NCK2: variants seen among roughly 807,000 people sequenced by gnomAD.
The protein encoded by NCK2 is cytoplasmic protein NCK2.
A neutral mutation model predicts 33.9 loss-of-function variants in NCK2; 16 were observed. The ratio of observed to expected loss-of-function variants is 0.47; its 90% CI spans 0.32 to 0.72. The LOEUF is 0.72. Among genes scored for constraint, NCK2 ranks in the 30% least tolerant of loss-of-function variants. The pLI, the probability that NCK2 is intolerant of heterozygous loss-of-function variation, is 0.03. For synonymous variants in NCK2, 273 were observed against 239.9 expected, an observed-to-expected ratio of 1.14 and a Z score of -1.27; for missense variants, 418 against 537.3, an observed-to-expected ratio of 0.78 and a Z score of 2.19.
chr2:105,781,058 G>C (rs993949132), intron 1 of NCK2, among the ~76,000 whole-genome samples: 3 of 152,146 alleles, frequency 2.0e-5, no homozygotes, highest in African/African-American at 7.2e-5. Context: ...CTGTCTTCTT[G>C]CTTTCAGATT....
At chr2:105,801,461 T>C (rs1674837571) in intron 1 of NCK2, among the ~76,000 whole-genome samples, 1 of 151,612 alleles carries the variant, frequency 6.6e-6, no homozygotes, top group Admixed American at 6.6e-5. Flanking sequence ...ACAAAACCAG[T>C]GCACAACGTT....
intron 3 of NCK2, among the ~76,000 whole-genome samples, chr2:105,874,117 G>A (rs566921752): frequency 1.3e-5 from 2 of 152,164 alleles, no homozygotes; most frequent in African/African-American, 2.4e-5. Context: ...TCATGTGGCC[G>A]CCCTTTCAAA....
intron 4 of NCK2, among the ~76,000 whole-genome samples, chr2:105,885,994 A>G (rs1280290533): frequency 1.3e-5 from 2 of 152,170 alleles, no homozygotes; most frequent in Non-Finnish European, 2.9e-5. Flanking sequence ...AGGAGGAGGT[A>G]GATTGTCAGA....
At chr2:105,819,326 T>TAA (rs35497405) in intron 2 of NCK2, among the ~76,000 whole-genome samples, 428 of 136,046 alleles carry the variant, frequency 3.1e-3, no homozygotes, top group African/African-American at 9.0e-3. Context: ...CCGTTTTCTT[T>TAA]AAAAAAAAAA....
intron 3 of NCK2, among the ~76,000 whole-genome samples, chr2:105,873,041 T>G (rs1314174935): frequency 1.3e-5 from 2 of 152,124 alleles, no homozygotes; most frequent in Non-Finnish European, 2.9e-5. Context: ...CCAGGAAAGG[T>G]CACTGTCCTT....
chr2:105,790,147 G>A (rs1235223656), intron 1 of NCK2, among the ~76,000 whole-genome samples: 1 of 152,202 alleles, frequency 6.6e-6, no homozygotes. Flanking sequence ...ACGGGCAGCC[G>A]TTTCTTCTTC....
At chr2:105,862,246 C>T (rs546403935) in intron 3 of NCK2, among the ~76,000 whole-genome samples, 5 of 152,230 alleles carry the variant, frequency 3.3e-5, no homozygotes, top group Non-Finnish European at 5.9e-5. Flanking sequence ...GGAAGGGGGT[C>T]GGTCTTGAGC....
At position 105,822,163 on chromosome 2, in the gene NCK2, A is replaced by T. The variant is rs561986349; in HGVS notation, c.-17+5550A>T. 1.8e-3 allele frequency among the ~76,000 whole-genome samples: 118 copies of T among 66,878 alleles called. 1 individual carries two copies. The highest frequency in any genetic ancestry group is 7.6e-3 in the African/African-American group (114 of 15,012). The allele number at this position is 66,878 out of a possible 152,430, so 43.9% of individuals were successfully genotyped here. On this transcript the variant is annotated intron_variant, in intron 2 of 4. Coordinates refer to ENST00000233154, the MANE Select transcript of NCK2 (RefSeq NM_003581.5). Reference sequence around the variant, plus strand: ...CCCCTAGAAAAATCTCCTGCAACTAAGTGCAGTTTGGAGAGTTCTTTGGAA... The same window carrying T: ...CCCCTAGAAAAATCTCCTGCAACTATGTGCAGTTTGGAGAGTTCTTTGGAA...
rs67864986 is a variant in NCK2, at chr2:105,832,704, ATT to A, written c.-17+16104_-17+16105del. On this transcript the variant is annotated intron_variant, in intron 2 of 4. Coordinates refer to ENST00000233154, the MANE Select transcript of NCK2 (RefSeq NM_003581.5). ...ATGCTGTTGGATTTACTTTGCCAGT[ATT>A]TTTTTTTTTTTTGAGGATTTTTGCA... Among the ~76,000 whole-genome samples the A allele has an allele frequency of 1.3e-3, 188 of 144,394 alleles. 2 individuals carry two copies. Among genetic ancestry groups the A allele is most frequent in the Admixed American group, 4.6e-3 (67 of 14,608 alleles). The allele number at this position is 144,394 out of a possible 152,430, so 94.7% of individuals were successfully genotyped here.
At chr2:105,863,777 C>T (rs1168944279) in intron 3 of NCK2, among the ~76,000 whole-genome samples, 2 of 152,090 alleles carry the variant, frequency 1.3e-5, no homozygotes, top group East Asian at 1.9e-4. Context: ...TCTTCGATCA[C>T]CTGCATTCAA....
At chr2:105,786,369 G>A (rs1690681945) in intron 1 of NCK2, among the ~76,000 whole-genome samples, 1 of 152,216 alleles carries the variant, frequency 6.6e-6, no homozygotes, top group South Asian at 2.1e-4. Context: ...GGCAGGCTGG[G>A]GACAGGATGG....
intron 1 of NCK2, among the ~76,000 whole-genome samples, chr2:105,799,122 G>A (rs190662739): frequency 3.9e-4 from 59 of 152,050 alleles, no homozygotes; most frequent in Admixed American, 7.2e-4. Flanking sequence ...TCTGTCCTTC[G>A]TGTCCTAAGT....
intron 2 of NCK2, among the ~76,000 whole-genome samples, chr2:105,820,547 C>G (rs1298329212): frequency 6.6e-6 from 1 of 152,152 alleles, no homozygotes; most frequent in Non-Finnish European, 1.5e-5. Context: ...AGTTAAGGAA[C>G]AAAGTCTTGG....
chr2:105,802,574 C>T (rs977169358), intron 1 of NCK2, among the ~76,000 whole-genome samples: 6 of 152,086 alleles, frequency 3.9e-5, no homozygotes, highest in Non-Finnish European at 8.8e-5. Flanking sequence ...AACACGGAAG[C>T]AAGAGAGAGA....
At chr2:105,815,304 C>A (rs924689413) in intron 1 of NCK2, among the ~76,000 whole-genome samples, 4 of 152,118 alleles carry the variant, frequency 2.6e-5, no homozygotes, top group African/African-American at 9.7e-5. Context: ...TATGAACTTG[C>A]CTTATAACAT....
chr2:105,819,418 A>C (rs1573629878), intron 2 of NCK2, among the ~76,000 whole-genome samples: 1 of 152,290 alleles, frequency 6.6e-6, no homozygotes, highest in South Asian at 2.1e-4. Flanking sequence ...TCAGATTTCA[A>C]GGGAATGGAG....
intron 1 of NCK2, among the ~76,000 whole-genome samples, chr2:105,804,123 A>G (rs1395496625): frequency 6.6e-6 from 1 of 152,172 alleles, no homozygotes; most frequent in Non-Finnish European, 1.5e-5. Flanking sequence ...GGATTTACTA[A>G]TTTCAAGGGT....
At chr2:105,855,340 T>G (rs118026024) in intron 3 of NCK2, 51 bp downstream of exon 3, 1 of 1,389,150 alleles carries the variant, frequency 7.2e-7, no homozygotes, top group South Asian at 1.4e-5. Flanking sequence ...CAAGGGACAC[T>G]GTTCGTCTTT....
intron 2 of NCK2, among the ~76,000 whole-genome samples, chr2:105,833,316 C>G (rs956542105): frequency 6.6e-6 from 1 of 152,104 alleles, no homozygotes; most frequent in African/African-American, 2.4e-5. Context: ...AGGCTGATCT[C>G]GAACTCCGGG....
Sources: gnomAD v4.1 joint callset for allele counts (sites outside exome capture counted in the v4.1 genomes callset) on GRCh38, gnomAD v4.1.1 for gene constraint, MANE v1.5 for transcripts, NCBI Gene and HGNC (gene_info 2026-07-23, HGNC 2026-07-21) for gene names.